BABAM2: variants seen among roughly 807,000 people sequenced by gnomAD.
BABAM2 encodes the protein BRISC and BRCA1-A complex member 2.
In BABAM2, 31 loss-of-function variants were observed where a neutral mutation model predicts 54.7. The observed-to-expected ratio is 0.57, with a 90% CI of 0.43 to 0.77. The LOEUF (loss-of-function observed/expected upper bound fraction) is 0.77. Ranked by LOEUF, BABAM2 falls within the 30% of genes least tolerant of loss-of-function variation. The pLI, the probability that BABAM2 is intolerant of heterozygous loss-of-function variation, is 0.00. For synonymous variants in BABAM2, 167 were observed against 162.9 expected (o/e 1.03, Z -0.19); for missense variants, 364 against 455.8 (o/e 0.80, Z 1.83).
intron 11 of BABAM2, chr2:28,308,213 C>T (rs530785294): frequency 1.8e-5 from 6 of 327,270 alleles, no homozygotes; most frequent in East Asian, 1.5e-4. Flanking sequence ...GAAGCCAAAG[C>T]GAATGCTTTG....
chr2:28,167,174 C>G (rs1483957176), intron 7 of BABAM2, among the ~76,000 whole-genome samples: 2 of 152,104 alleles, frequency 1.3e-5, no homozygotes, highest in Non-Finnish European at 2.9e-5. Flanking sequence ...GTGACTAATT[C>G]CATATGAATC....
chr2:28,237,064 A>G, intron 7 of BABAM2, 138 bp from the exon 8 acceptor site: 2 of 649,040 alleles, frequency 3.1e-6, no homozygotes, highest in Non-Finnish European at 5.6e-6. Context: ...CATAAAGTGA[A>G]GCCCATATAC....
At chr2:27,939,175 T>C (rs1668699923) in intron 3 of BABAM2, among the ~76,000 whole-genome samples, 1 of 151,916 alleles carries the variant, frequency 6.6e-6, no homozygotes, top group Admixed American at 6.6e-5. Flanking sequence ...ATGGTCTCGA[T>C]GTCTTGACCT....
At chr2:28,069,718 A>C (rs1002020421) in intron 6 of BABAM2, among the ~76,000 whole-genome samples, 8 of 152,196 alleles carry the variant, frequency 5.3e-5, no homozygotes, top group Non-Finnish European at 1.0e-4. Context: ...TGGCTTCCTC[A>C]TCTGAAAAAA....
chr2:28,090,997 T>A (rs905938577), intron 6 of BABAM2, among the ~76,000 whole-genome samples: 3 of 152,242 alleles, frequency 2.0e-5, no homozygotes, highest in African/African-American at 4.8e-5. Flanking sequence ...AAATATTGGA[T>A]ATCAGTGTTT....
chr2:28,272,456 G>C (rs959330974), intron 10 of BABAM2, among the ~76,000 whole-genome samples: 1 of 152,178 alleles, frequency 6.6e-6, no homozygotes, highest in Admixed American at 6.5e-5. Flanking sequence ...TTAGGCAAAG[G>C]CTGCAAGATA....
At chr2:28,056,755 C>T (rs1678459713) in intron 6 of BABAM2, among the ~76,000 whole-genome samples, 1 of 152,332 alleles carries the variant, frequency 6.6e-6, no homozygotes. Context: ...CTAAATACAG[C>T]AACTAAATGC....
In BABAM2 at chr2:28,178,044, A is replaced by G. The variant is rs1430366730; in HGVS notation, c.680+48664A>G. The stretch of plus-strand genomic sequence containing the variant: ...GGGAGAGATAGACTCCAATACAATA[A>G]TAGTTGGAGACTTCAACATCCCACT... On this transcript the variant is annotated intron_variant, in intron 7 of 11. Transcript: ENST00000379624. 5.3e-5 allele frequency among the ~76,000 whole-genome samples: 8 copies of G among 152,190 alleles called. No individual in the cohort carries two copies. The East Asian group carries it at 1.5e-3, about 29-fold the overall frequency.
At chr2:28,138,339 C>G (rs1312436856) in intron 7 of BABAM2, among the ~76,000 whole-genome samples, 1 of 151,974 alleles carries the variant, frequency 6.6e-6, no homozygotes, top group African/African-American at 2.4e-5. Context: ...CTGTACAACA[C>G]CAGAGATTAA....
At chr2:28,055,421 TA>T (rs1161087682) in intron 6 of BABAM2, among the ~76,000 whole-genome samples, 1 of 151,712 alleles carries the variant, frequency 6.6e-6, no homozygotes, top group Admixed American at 6.6e-5. Context: ...AAATAAAAGT[TA>T]AAAAAAAGAA....
At chr2:28,295,093 A>AC (rs1687575871) in intron 10 of BABAM2, among the ~76,000 whole-genome samples, 1 of 152,224 alleles carries the variant, frequency 6.6e-6, no homozygotes, top group Non-Finnish European at 1.5e-5. Context: ...TTCTGATGCT[A>AC]ACTGGGCATT....
At chr2:28,045,822 A>G in intron 6 of BABAM2, 23 bp downstream of exon 6, 2 of 1,566,094 alleles carry the variant, frequency 1.3e-6, no homozygotes, top group South Asian at 2.3e-5. Context: ...GATTTTCAGT[A>G]TGAGAATATA....
intron 7 of BABAM2, among the ~76,000 whole-genome samples, chr2:28,176,144 G>A (rs1048046585): frequency 1.3e-5 from 2 of 152,098 alleles, no homozygotes; most frequent in Non-Finnish European, 2.9e-5. Flanking sequence ...AGATATCAAC[G>A]TAAAGACACA....
chr2:27,920,055 C>T (rs906092124), intron 2 of BABAM2, among the ~76,000 whole-genome samples: 2 of 152,050 alleles, frequency 1.3e-5, no homozygotes, highest in Non-Finnish European at 2.9e-5. Context: ...GAGGGTCTAG[C>T]CATAGTTTTT....
At chr2:28,284,123 G>T (rs1686606293) in intron 10 of BABAM2, among the ~76,000 whole-genome samples, 1 of 152,170 alleles carries the variant, frequency 6.6e-6, no homozygotes, top group South Asian at 2.1e-4. Context: ...CTTTGAGTTA[G>T]TTAAATTTCA....
intron 5 of BABAM2, among the ~76,000 whole-genome samples, chr2:28,034,547 A>ATGTGACCAATAGAGGC (rs1158646118): frequency 6.6e-6 from 1 of 152,154 alleles, no homozygotes; most frequent in South Asian, 2.1e-4. Context: ...AAGTTACCAT[A>ATGTGACCAATAGAGGC]TGTGACCAAT....
At chr2:27,953,231 A>C (rs1211303028) in intron 3 of BABAM2, among the ~76,000 whole-genome samples, 1 of 151,890 alleles carries the variant, frequency 6.6e-6, no homozygotes, top group Admixed American at 6.5e-5. Flanking sequence ...CCCAGGCTGG[A>C]GTGCAGTGTT....
At chr2:28,331,759 CA>C (rs888223162) in intron 11 of BABAM2, among the ~76,000 whole-genome samples, 4 of 152,180 alleles carry the variant, frequency 2.6e-5, no homozygotes, top group Admixed American at 2.6e-4. Flanking sequence ...GACAGTATGG[CA>C]ATTCCTCAAA....
At chr2:27,994,581 C>G (rs1673003441) in intron 4 of BABAM2, among the ~76,000 whole-genome samples, 1 of 152,194 alleles carries the variant, frequency 6.6e-6, no homozygotes, top group African/African-American at 2.4e-5. Context: ...ATGTGCTTGT[C>G]TTCTTTCACT....
Sources: allele counts gnomAD v4.1 joint callset (sites outside exome capture counted in the v4.1 genomes callset), GRCh38; gene constraint gnomAD v4.1.1; transcripts MANE v1.5; gene names NCBI Gene and HGNC (gene_info 2026-07-23, HGNC 2026-07-21).